The following WWTR1 variants were observed in gnomAD, a reference collection of about 807,000 sequenced individuals.
The protein encoded by WWTR1 is WW domain-containing transcription regulator protein 1.
Under a neutral mutation model 40.1 loss-of-function variants are expected in WWTR1, and 13 were observed. The observed-to-expected ratio is 0.32, with a 90% CI of 0.21 to 0.52. The LOEUF (loss-of-function observed/expected upper bound fraction) is 0.52, where lower values mean the gene tolerates loss of function less well. Among genes scored for constraint, WWTR1 ranks in the 20% least tolerant of loss-of-function variants. The pLI, the probability that WWTR1 is intolerant of heterozygous loss-of-function variation, is 0.97. For synonymous variants in WWTR1, 230 were observed against 210.1 expected (o/e 1.09, Z -0.82); for missense variants, 436 against 523.1 (o/e 0.83, Z 1.63).
intron 2 of WWTR1, among the ~76,000 whole-genome samples, chr3:149,668,835 T>C (rs35298774): frequency 2.6e-5 from 4 of 151,932 alleles, no homozygotes; most frequent in Non-Finnish European, 4.4e-5. Context: ...TGGTTTCAAA[T>C]TTTTTTTCAT....
intron 2 of WWTR1, among the ~76,000 whole-genome samples, chr3:149,641,483 C>G (rs1384244956): frequency 6.6e-6 from 1 of 152,216 alleles, no homozygotes; most frequent in Admixed American, 6.5e-5. Flanking sequence ...GCATGTGCAA[C>G]TGGGAAATTT....
At chr3:149,562,904 C>T (rs1015098682) in intron 3 of WWTR1, among the ~76,000 whole-genome samples, 10 of 151,982 alleles carry the variant, frequency 6.6e-5, no homozygotes, top group African/African-American at 1.7e-4. Flanking sequence ...CACACACAGG[C>T]GGGAGCAATA....
chr3:149,543,597 A>AG (rs1025532700), intron 3 of WWTR1, among the ~76,000 whole-genome samples: 1 of 146,546 alleles, frequency 6.8e-6, no homozygotes, highest in African/African-American at 2.5e-5. Flanking sequence ...AAAAAAAAAA[A>AG]AAAAAAGAAC....
chr3:149,687,232 C>T (rs984370199), intron 1 of WWTR1, among the ~76,000 whole-genome samples: 6 of 152,146 alleles, frequency 3.9e-5, no homozygotes, highest in Admixed American at 6.5e-5. Context: ...ACTTGCCCCG[C>T]GTGCTTATCT....
chr3:149,567,906 G>GCCA (rs1433388195), intron 3 of WWTR1, among the ~76,000 whole-genome samples: 1 of 151,966 alleles, frequency 6.6e-6, no homozygotes, highest in African/African-American at 2.4e-5. Flanking sequence ...TGCCCACTTC[G>GCCA]CCACCACTCT....
At chr3:149,527,782 C>T in intron 5 of WWTR1, 54 bp downstream of exon 5, 1 of 1,606,884 alleles carries the variant, frequency 6.2e-7, no homozygotes, top group South Asian at 1.1e-5. Flanking sequence ...CTATTATAGT[C>T]TAGATCACAT....
upstream of WWTR1, among the ~76,000 whole-genome samples, chr3:149,708,077 C>T (rs1715376019): frequency 1.3e-5 from 2 of 152,110 alleles, no homozygotes; most frequent in South Asian, 4.1e-4. Context: ...AGGCCTGTAC[C>T]CCAGCTCATG....
At chr3:149,587,722 T>C (rs778043908) in intron 2 of WWTR1, among the ~76,000 whole-genome samples, 2 of 152,228 alleles carry the variant, frequency 1.3e-5, no homozygotes, top group Admixed American at 6.5e-5. Context: ...GGAATGAATA[T>C]TCTACTTGTA....
At chr3:149,601,812 C>T (rs1214726216) in intron 2 of WWTR1, among the ~76,000 whole-genome samples, 1 of 152,018 alleles carries the variant, frequency 6.6e-6, no homozygotes, top group Non-Finnish European at 1.5e-5. Flanking sequence ...AGGTTTAAAA[C>T]ACCCAACCGA....
intron 1 of WWTR1, among the ~76,000 whole-genome samples, chr3:149,692,146 A>T (rs1311087321): frequency 1.3e-5 from 2 of 152,088 alleles, no homozygotes; most frequent in African/African-American, 4.8e-5. Context: ...AACACCAGAC[A>T]AAGACACATT....
At chr3:149,582,807 G>A (rs888070996) in intron 2 of WWTR1, among the ~76,000 whole-genome samples, 2 of 152,204 alleles carry the variant, frequency 1.3e-5, no homozygotes, top group African/African-American at 4.8e-5. Flanking sequence ...CCACAACAAT[G>A]TGAGAGTCTA....
chr3:149,629,900 G>A (rs751654773), intron 2 of WWTR1, among the ~76,000 whole-genome samples: 7 of 152,140 alleles, frequency 4.6e-5, no homozygotes, highest in Non-Finnish European at 7.4e-5. Context: ...AGGCTGGAGT[G>A]CAGTGGAGCA....
At chr3:149,642,008 G>A (rs1712200501) in intron 2 of WWTR1, among the ~76,000 whole-genome samples, 1 of 152,202 alleles carries the variant, frequency 6.6e-6, no homozygotes, top group Admixed American at 6.5e-5. Context: ...AAAAAGAGAT[G>A]TTTTAAACAT....
intron 2 of WWTR1, among the ~76,000 whole-genome samples, chr3:149,643,764 A>G (rs1024310784): frequency 3.3e-5 from 5 of 152,154 alleles, no homozygotes; most frequent in African/African-American, 1.2e-4. Context: ...TCCTCGTGGA[A>G]AAGTCATTCA....
At chr3:149,537,543 C>T (rs745462596) in intron 4 of WWTR1, among the ~76,000 whole-genome samples, 10 of 152,166 alleles carry the variant, frequency 6.6e-5, no homozygotes, top group Non-Finnish European at 1.3e-4. Context: ...CATAAACATA[C>T]GTTTTGTCTT....
At chr3:149,665,228 T>C (rs533252875) in intron 2 of WWTR1, among the ~76,000 whole-genome samples, 2,910 of 23,632 alleles carry the variant, frequency 0.12, 85 homozygotes, top group African/African-American at 0.29. Context: ...CCTTTCTTTC[T>C]TTTTTTTTTT....
intron 1 of WWTR1, among the ~76,000 whole-genome samples, chr3:149,673,729 T>A (rs1714166430): frequency 6.6e-6 from 1 of 152,156 alleles, no homozygotes; most frequent in South Asian, 2.1e-4. Context: ...CTGTCATGGG[T>A]CTCTCTCTCC....
intron 1 of WWTR1, among the ~76,000 whole-genome samples, chr3:149,689,669 G>T (rs1714758224): frequency 6.6e-6 from 1 of 152,184 alleles, no homozygotes; most frequent in South Asian, 2.1e-4. Context: ...GAGAAATAAA[G>T]ACTTTCCCAG....
chr3:149,700,572 C>A (rs1303086470), intron 1 of WWTR1, among the ~76,000 whole-genome samples: 1 of 151,472 alleles, frequency 6.6e-6, no homozygotes, highest in Non-Finnish European at 1.5e-5. Flanking sequence ...CCTTTCCTGC[C>A]CTAAATCCTG....
Sources: allele counts gnomAD v4.1 joint callset (sites outside exome capture counted in the v4.1 genomes callset), GRCh38; gene constraint gnomAD v4.1.1; transcripts MANE v1.5; gene names NCBI Gene and HGNC (gene_info 2026-07-23, HGNC 2026-07-21).